The following NTF3 variants were observed in gnomAD, a reference collection of about 807,000 sequenced individuals.
NTF3 encodes neurotrophin-3.
Under a neutral mutation model 26.3 loss-of-function variants are expected in NTF3, and 8 were observed. That is an observed-to-expected ratio of 0.30 (90% CI 0.18 to 0.55). The LOEUF is 0.55. Among genes scored for constraint, NTF3 ranks in the 20% least tolerant of loss-of-function variants. NTF3 has a pLI of 0.93. For synonymous variants in NTF3, 154 were observed against 145.5 expected (o/e 1.06, Z -0.42); for missense variants, 276 against 352.9 (o/e 0.78, Z 1.75).
intron 1 of NTF3, among the ~76,000 whole-genome samples, chr12:5,460,425 A>G (rs1186900937): frequency 6.6e-6 from 1 of 152,112 alleles, no homozygotes; most frequent in Non-Finnish European, 1.5e-5. Flanking sequence ...TCAGAATATC[A>G]TAGTAGTTGG....
rs1433476085 is a variant in NTF3 at position 5,456,433 on chromosome 12, A to G, written c.18+24091A>G. On this transcript the variant is annotated intron_variant, in intron 1 of 1. Transcript: ENST00000423158. The surrounding 1 kb of genome is among the most constrained non-coding windows in gnomAD (Gnocchi z 4.4). ...ACCCTGGGAGCTGTGTACCCCTCAGACCCAGTTGGAACCCAGCCAAGAGTA... is the reference window on the plus strand; with the variant it reads ...ACCCTGGGAGCTGTGTACCCCTCAGGCCCAGTTGGAACCCAGCCAAGAGTA... 2.0e-5 allele frequency among the ~76,000 whole-genome samples: 3 copies of G among 152,040 alleles called. No individual in the cohort carries two copies. In the South Asian group the frequency reaches 6.2e-4, roughly 32 times the overall value.
intron 1 of NTF3, among the ~76,000 whole-genome samples, chr12:5,492,878 T>C (rs1940955252): frequency 6.6e-6 from 1 of 152,238 alleles, no homozygotes; most frequent in Non-Finnish European, 1.5e-5. Flanking sequence ...GTTTCTTGTG[T>C]CGGCTTTGTT....
At chr12:5,483,044 T>C (rs1940826713) in intron 1 of NTF3, among the ~76,000 whole-genome samples, 1 of 151,964 alleles carries the variant, frequency 6.6e-6, no homozygotes, top group East Asian at 1.9e-4. Flanking sequence ...TCTGTCTCTT[T>C]CTCTTTTTAT....
At chr12:5,452,221 G>T (rs1042551140) in intron 1 of NTF3, among the ~76,000 whole-genome samples, 1 of 151,326 alleles carries the variant, frequency 6.6e-6, no homozygotes, top group African/African-American at 2.4e-5. Context: ...TCAGCCTCCC[G>T]AGTAGCTGGG....
At chr12:5,489,658 G>T (rs990595487) in intron 1 of NTF3, among the ~76,000 whole-genome samples, 1 of 152,198 alleles carries the variant, frequency 6.6e-6, no homozygotes, top group Non-Finnish European at 1.5e-5. Flanking sequence ...GCAGCAAGAG[G>T]CGTCTTTAGG....
intron 1 of NTF3, among the ~76,000 whole-genome samples, chr12:5,432,649 G>A (rs1435768749): frequency 2.7e-5 from 4 of 149,678 alleles, no homozygotes; most frequent in African/African-American, 9.9e-5. Flanking sequence ...CTTGTCCCTC[G>A]GCTGCCCAAG....
At position 5,465,684 on chromosome 12, in the gene NTF3, G is replaced by C. The variant is rs1037510290; in HGVS notation, c.19-28510G>C. On this transcript the variant is annotated intron_variant, in intron 1 of 1. Coordinates refer to ENST00000423158, the MANE Select transcript of NTF3 (RefSeq NM_001102654.2). ...CTCAGACTGCTGATGGCCACGCAAG[G>C]CTTTCAGCTTCTCTGATTTCCAGGC... is the stretch of plus-strand genomic sequence containing the variant. Among the ~76,000 whole-genome samples, 9 of 152,228 alleles carry C rather than the reference G, an allele frequency of 5.9e-5. No individual in the cohort carries two copies. The South Asian group carries it at 1.9e-3, about 32-fold the overall frequency.
intron 1 of NTF3, among the ~76,000 whole-genome samples, chr12:5,489,437 AG>A (rs144912988): frequency 0.02 from 3,009 of 152,298 alleles, 118 homozygotes; most frequent in African/African-American, 0.069. Flanking sequence ...TAGAGCCAGA[AG>A]GTGCAAATCC....
At position 5,495,004 on chromosome 12, in the gene NTF3, C is replaced by T; in HGVS notation, c.*16C>T. The T allele has an allele frequency of 1.2e-6, 2 of 1,600,040 alleles. No homozygotes were observed. The highest frequency in any genetic ancestry group is 1.7e-6 in the Non-Finnish European group (2 of 1,172,258). ...AAGAACATGAATTGGCATCTCTCCC[C>T]ATATATAAATTATTACTTTAAATTA... On this transcript the variant is annotated 3_prime_UTR_variant, in exon 2 of 2. Coordinates refer to ENST00000423158, the MANE Select transcript of NTF3 (RefSeq NM_001102654.2).
Position 5,494,484 on chromosome 12 carries a change from C to A in NTF3, c.309C>A (p.Thr103=). The change falls in exon 2 of 2, where the codon ACC becomes ACA. Residue 103 remains threonine, a synonymous_variant. Coordinates refer to ENST00000423158, the MANE Select transcript of NTF3 (RefSeq NM_001102654.2). The surrounding 1 kb of genome is among the most constrained non-coding windows in gnomAD (Gnocchi z 8.3). The part of the protein sequence containing the change: ...SAFQPVIAMD[T]ELLRQQRRYN... The stretch of plus-strand genomic sequence containing the variant: ...TCCAGCCGGTGATTGCAATGGACAC[C>A]GAACTGCTGCGACAACAGAGACGCT... 6.2e-7 allele frequency: 1 copy of A among 1,613,806 alleles called. No individual in the cohort carries two copies. Among genetic ancestry groups the A allele is most frequent in the Non-Finnish European group, 8.5e-7 (1 of 1,180,034 alleles).
At chr12:5,483,436 T>C (rs1940831880) in intron 1 of NTF3, among the ~76,000 whole-genome samples, 1 of 152,202 alleles carries the variant, frequency 6.6e-6, no homozygotes. Context: ...AGATCCACTG[T>C]AGATTCCTCA....
chr12:5,489,316 C>T (rs1481602040), intron 1 of NTF3, among the ~76,000 whole-genome samples: 1 of 152,238 alleles, frequency 6.6e-6, no homozygotes, highest in African/African-American at 2.4e-5. Flanking sequence ...AGCAGCCGTC[C>T]TGGCTCCAGG....
intron 1 of NTF3, among the ~76,000 whole-genome samples, chr12:5,461,068 T>TG (rs1039714512): frequency 3.3e-5 from 5 of 152,158 alleles, no homozygotes; most frequent in African/African-American, 7.2e-5. Flanking sequence ...AGAGTGGGAT[T>TG]GGGGGGGAAG....
chr12:5,493,826 T>C (rs185296308), intron 1 of NTF3, among the ~76,000 whole-genome samples: 52 of 152,274 alleles, frequency 3.4e-4, no homozygotes, highest in Admixed American at 2.8e-3. Flanking sequence ...TTCTCAGGTT[T>C]GAAGTTTTCA....
At position 5,477,166 on chromosome 12, in the gene NTF3, T is replaced by TGA. The variant is rs550696583; in HGVS notation, c.19-17026_19-17025dup. ...TCTAGTTTCCCCAGGGTGGGGAAGA[T>TGA]GAGCAGCATGGCCCTAGTGTTTGAG... On this transcript the variant is annotated intron_variant, in intron 1 of 1. Coordinates refer to ENST00000423158, the MANE Select transcript of NTF3 (RefSeq NM_001102654.2). Among the ~76,000 whole-genome samples, 33 of 152,328 alleles carry TGA rather than the reference T, an allele frequency of 2.2e-4. No individual in the cohort carries two copies. In the East Asian group the frequency reaches 5.6e-3, roughly 26 times the overall value.
intron 1 of NTF3, among the ~76,000 whole-genome samples, chr12:5,455,461 C>G (rs900078158): frequency 2.0e-5 from 3 of 151,850 alleles, no homozygotes; most frequent in Admixed American, 6.6e-5. Context: ...CTGGCCTCCC[C>G]TTGGACTCCA....
At chr12:5,464,161 T>C (rs1466560144) in intron 1 of NTF3, among the ~76,000 whole-genome samples, 1 of 152,170 alleles carries the variant, frequency 6.6e-6, no homozygotes, top group Admixed American at 6.5e-5. Context: ...ACAGATTCTA[T>C]ATTGCAGGAC....
Position 5,494,841 on chromosome 12 carries a change from T to C in NTF3, c.666T>C (p.Asp222=). ...RPVKNGCRGI[D]DKHWNSQCKT... is the part of the protein sequence containing the mutation. ...TCAAAAACGGTTGCAGGGGTATTGA[T>C]GATAAACACTGGAACTCTCAGTGCA... Residue 222 remains aspartate, a synonymous_variant, in exon 2 of 2, where the codon GAT becomes GAC. Transcript: ENST00000423158. This position sits in a 1 kb window ranked among gnomAD's most constrained non-coding sequence, Gnocchi z 8.3. 6.2e-7 allele frequency: 1 copy of C among 1,614,090 alleles called. No homozygotes were observed.
chr12:5,438,401 G>A (rs772445283), intron 1 of NTF3, among the ~76,000 whole-genome samples: 6 of 152,146 alleles, frequency 3.9e-5, no homozygotes, highest in East Asian at 1.9e-4. Flanking sequence ...TGGGAACTAC[G>A]GAGAGCTTGC....
Sources: allele counts gnomAD v4.1 joint callset (sites outside exome capture counted in the v4.1 genomes callset), GRCh38; gene constraint gnomAD v4.1.1; non-coding constraint Gnocchi (gnomAD v3.1); transcripts MANE v1.5; gene names NCBI Gene and HGNC (gene_info 2026-07-23, HGNC 2026-07-21).